Variants in PTPRD observed in about 807,000 individuals in gnomAD.
PTPRD encodes the protein protein tyrosine phosphatase receptor type D.
A neutral mutation model predicts 214.5 loss-of-function variants in PTPRD; 34 were observed. That is an observed-to-expected ratio of 0.16 (90% CI 0.12 to 0.21). The LOEUF (loss-of-function observed/expected upper bound fraction) is 0.21, where lower values mean the gene tolerates loss of function less well. Ranked by LOEUF, PTPRD falls within the 10% of genes least tolerant of loss-of-function variation. The pLI is 1.00. For synonymous variants in PTPRD, 1,128 were observed against 845.7 expected (o/e 1.33, Z -5.79); for missense variants, 2,545 against 2,398.7 (o/e 1.06, Z -1.27).
chr9:10,524,408 C>A (rs2053573701), intron 2 of PTPRD, among the ~76,000 whole-genome samples: 1 of 151,922 alleles, frequency 6.6e-6, no homozygotes, highest in South Asian at 2.1e-4. Flanking sequence ...GCAACTACAT[C>A]TGAAACATAC....
intron 2 of PTPRD, among the ~76,000 whole-genome samples, chr9:10,361,303 C>G (rs1015112033): frequency 1.3e-5 from 2 of 152,114 alleles, no homozygotes; most frequent in Non-Finnish European, 2.9e-5. Flanking sequence ...TCACTGTATA[C>G]TCATAAGAGA....
At chr9:10,025,843 A>G (rs976748300) in intron 4 of PTPRD, among the ~76,000 whole-genome samples, 40 of 152,200 alleles carry the variant, frequency 2.6e-4, no homozygotes, top group Admixed American at 2.2e-3. Flanking sequence ...ATGATTAAAT[A>G]AACACCTGTG....
chr9:10,602,040 A>C (rs12236218), intron 2 of PTPRD, among the ~76,000 whole-genome samples: 2 of 151,814 alleles, frequency 1.3e-5, no homozygotes, highest in African/African-American at 2.4e-5. Flanking sequence ...TAAATGTCAC[A>C]AAACAACTCA....
chr9:10,284,102 C>T (rs1596127052), intron 3 of PTPRD, among the ~76,000 whole-genome samples: 1 of 152,184 alleles, frequency 6.6e-6, no homozygotes, highest in Non-Finnish European at 1.5e-5. Context: ...GAATTACTTA[C>T]AATTTATTGT....
At chr9:10,292,634 A>G (rs1371786494) in intron 3 of PTPRD, among the ~76,000 whole-genome samples, 1 of 152,006 alleles carries the variant, frequency 6.6e-6, no homozygotes, top group Non-Finnish European at 1.5e-5. Context: ...TTGCTACCCA[A>G]CAAAATCTAG....
At chr9:8,842,922 C>G (rs1297707433) in intron 11 of PTPRD, among the ~76,000 whole-genome samples, 1 of 152,204 alleles carries the variant, frequency 6.6e-6, no homozygotes, top group Non-Finnish European at 1.5e-5. Context: ...CTGCGCTGCA[C>G]ATGGAGCTTT....
chr9:8,728,795 C>T lies in PTPRD; in HGVS notation c.64+4985G>A, dbSNP rs184028492. On this transcript the variant is annotated intron_variant, in intron 12 of 45. Transcript: ENST00000381196. Reference sequence around the variant, plus strand: ...CGAAGTTCGAGACCAGCCTGGCCAACATGGTGAAACCCCGTATTTATTAAA... The same window carrying T: ...CGAAGTTCGAGACCAGCCTGGCCAATATGGTGAAACCCCGTATTTATTAAA... Among the ~76,000 whole-genome samples the T allele has an allele frequency of 5.3e-4, 81 of 152,092 alleles. No homozygotes were observed. The East Asian group carries it at 0.014, about 26-fold the overall frequency.
rs373516247 is a variant in PTPRD, at chr9:9,723,037, G to T, written c.-287+11496C>A. On this transcript the variant is annotated intron_variant, in intron 7 of 45. Transcript: ENST00000381196. Reference sequence around the variant, plus strand: ...TTATTTAAAGCACAGAAGACTTTAAGTTCAATGAAATTCAATTTATCTATT... The same window carrying T: ...TTATTTAAAGCACAGAAGACTTTAATTTCAATGAAATTCAATTTATCTATT... Among the ~76,000 whole-genome samples the T allele has an allele frequency of 1.7e-3, 253 of 152,090 alleles. 1 individual carries two copies. Among genetic ancestry groups the T allele is most frequent in the African/African-American group, 5.7e-3 (236 of 41,532 alleles).
intron 2 of PTPRD, among the ~76,000 whole-genome samples, chr9:10,590,958 A>C (rs1220381194): frequency 6.6e-6 from 1 of 151,578 alleles, no homozygotes; most frequent in Non-Finnish European, 1.5e-5. Flanking sequence ...ACCTAAATAA[A>C]GCTGATTTAA....
Position 10,018,538 on chromosome 9 carries a change from C to CTT in PTPRD, c.-472+15178_-472+15179dup, listed in dbSNP as rs71321214. 1.9e-3 allele frequency among the ~76,000 whole-genome samples: 138 copies of CTT among 71,114 alleles called. 34 individuals carry two copies. The highest frequency in any genetic ancestry group is 2.4e-3 in the East Asian group (5 of 2,078). The allele number at this position is 71,114 out of a possible 152,430, so 46.7% of individuals were successfully genotyped here. ...AATGATTTATTTAAGAATTACATTT[C>CTT]TTTTTTTTTTTTTTTTTTTTTTTTT... On this transcript the variant is annotated intron_variant, in intron 4 of 45. Coordinates refer to ENST00000381196, the MANE Select transcript of PTPRD (RefSeq NM_002839.4).
intron 2 of PTPRD, among the ~76,000 whole-genome samples, chr9:10,394,296 C>T (rs745002): frequency 0.53 from 79,028 of 148,224 alleles, 24,334 homozygotes; most frequent in Non-Finnish European, 0.71. Flanking sequence ...TTTGCCTCAA[C>T]ATACTTCTTT....
At chr9:9,478,224 A>G (rs2095207716) in intron 8 of PTPRD, among the ~76,000 whole-genome samples, 1 of 152,126 alleles carries the variant, frequency 6.6e-6, no homozygotes, top group South Asian at 2.1e-4. Context: ...TACTTGTGAG[A>G]TTTATGCTAC....
chr9:8,595,737 A>G (rs1026014368), intron 14 of PTPRD, among the ~76,000 whole-genome samples: 1 of 152,238 alleles, frequency 6.6e-6, no homozygotes, highest in Non-Finnish European at 1.5e-5. Context: ...ATTGGAGGTC[A>G]TAATAATGAA....
intron 8 of PTPRD, among the ~76,000 whole-genome samples, chr9:9,554,797 C>G (rs947517888): frequency 2.0e-5 from 3 of 151,880 alleles, no homozygotes; most frequent in Admixed American, 6.6e-5. Flanking sequence ...GGAATTTGCC[C>G]CATAATGTAC....
chr9:9,251,239 A>T (rs117292574), intron 9 of PTPRD, among the ~76,000 whole-genome samples: 4,178 of 152,128 alleles, frequency 0.027, 83 homozygotes, highest in Non-Finnish European at 0.041. Flanking sequence ...GCTGAGCATC[A>T]TTGTGAGATT....
chr9:9,353,640 T>A (rs1191113657), intron 9 of PTPRD, among the ~76,000 whole-genome samples: 6 of 151,684 alleles, frequency 4.0e-5, no homozygotes, highest in Non-Finnish European at 7.4e-5. Flanking sequence ...AAAAAAATCC[T>A]GCTTCTGAAA....
Position 10,468,814 on chromosome 9 carries a change from G to T in PTPRD, c.-599-127797C>A, listed in dbSNP as rs73390401. On this transcript the variant is annotated intron_variant, in intron 2 of 45. Transcript: ENST00000381196. ...AGCAAAAATGAATGGTTACTAGGAAGGCAAAAATGGTGGAATATTATCCAA... is the reference window on the plus strand; with the variant it reads ...AGCAAAAATGAATGGTTACTAGGAATGCAAAAATGGTGGAATATTATCCAA... 8.8e-3 allele frequency among the ~76,000 whole-genome samples: 1,337 copies of T among 152,056 alleles called. 22 individuals are homozygous for T. Among genetic ancestry groups the T allele is most frequent in the African/African-American group, 0.028 (1,181 of 41,490 alleles).
chr9:8,322,869 G>A (rs917702976), intron 44 of PTPRD, among the ~76,000 whole-genome samples: 5 of 152,066 alleles, frequency 3.3e-5, no homozygotes, highest in African/African-American at 9.7e-5. Context: ...TCTTGTTAGG[G>A]GCTCATGCAG....
At chr9:9,151,851 T>A (rs1054871696) in intron 10 of PTPRD, among the ~76,000 whole-genome samples, 7 of 152,178 alleles carry the variant, frequency 4.6e-5, no homozygotes, top group Admixed American at 1.3e-4. Context: ...CTGGGCCAGT[T>A]AGGTGATAGC....
Sources: gnomAD v4.1 joint callset for allele counts (sites outside exome capture counted in the v4.1 genomes callset) on GRCh38, gnomAD v4.1.1 for gene constraint, MANE v1.5 for transcripts, NCBI Gene and HGNC (gene_info 2026-07-23, HGNC 2026-07-21) for gene names.